Variants in RPL27A observed in about 807,000 individuals in gnomAD.
The protein encoded by RPL27A is large ribosomal subunit protein uL15.
For synonymous variants in RPL27A, 69 were observed against 68.3 expected (o/e 1.01, Z -0.05); for missense variants, 118 against 189.4 (o/e 0.62, Z 2.21).
intron 1 of RPL27A, 37 bp from the exon 2 acceptor site, chr11:8,683,165 A>G: frequency 3.7e-6 from 6 of 1,607,436 alleles, no homozygotes; most frequent in Non-Finnish European, 5.1e-6. Flanking sequence ...CCTGCCCCTA[A>G]TTCCTTAGGC....
Position 8,686,928 on chromosome 11 carries a change from T to TA in RPL27A, c.*1122_*1123insA, listed in dbSNP as rs957254176. 4.6e-5 allele frequency: 7 copies of TA among 152,154 alleles called. No homozygotes were observed. The highest frequency in any genetic ancestry group is 1.7e-4 in the African/African-American group (7 of 41,430). The allele number at this position is 152,154 out of a possible 1,614,324, so 9.4% of individuals were successfully genotyped here. On this transcript the variant is annotated 3_prime_UTR_variant, in exon 5 of 5. Transcript: ENST00000314138. ...ACAAATAAGATGGCACTTAGACTCC[T>TA]GGGTTTTAGTTAGTGGAGGTTTCCT...
rs1170742187 is a variant in RPL27A, at chr11:8,687,558, C to T, written c.*1752C>T. On this transcript the variant is annotated 3_prime_UTR_variant, in exon 5 of 5. Transcript: ENST00000314138. The stretch of plus-strand genomic sequence containing the variant: ...CCTGTGTGACTTTTAGTCCTAATTT[C>T]CTCATCTTTAAAATTTCAGTGAAAG... 1 of 152,234 alleles carries T rather than the reference C, an allele frequency of 6.6e-6. No homozygotes were observed. The highest frequency in any genetic ancestry group is 1.5e-5 in the Non-Finnish European group (1 of 68,048). The allele number at this position is 152,234 out of a possible 1,614,324, so 9.4% of individuals were successfully genotyped here. A position where few individuals can be genotyped will look rare whatever the true frequency, so the allele number is the denominator to read the frequency against.
intron 3 of RPL27A, 105 bp from the exon 4 acceptor site, chr11:8,684,613 C>A: frequency 2.1e-6 from 2 of 964,876 alleles, no homozygotes; most frequent in Non-Finnish European, 3.3e-6. Flanking sequence ...CACTGCTCTA[C>A]ACCAGTGAAT....
At position 8,686,001 on chromosome 11, in the gene RPL27A, A is replaced by G. The variant is rs1565592684; in HGVS notation, c.*195A>G. On this transcript the variant is annotated 3_prime_UTR_variant, in exon 5 of 5. Transcript: ENST00000314138. Reference sequence around the variant, plus strand: ...CGTAAGACCAACACAGACGTTGGCCAGTTAAACATTTCTGTTTATAAAGTC... The same window carrying G: ...CGTAAGACCAACACAGACGTTGGCCGGTTAAACATTTCTGTTTATAAAGTC... The G allele has an allele frequency of 1.8e-6, 1 of 569,414 alleles. No individual in the cohort carries two copies. The highest frequency in any genetic ancestry group is 2.9e-5 in the East Asian group (1 of 34,238). 35.3% of individuals were successfully genotyped at this position (569,414 alleles called of 1,614,324 possible).
chr11:8,684,818 G>A lies in RPL27A; in HGVS notation c.244G>A (p.Val82Ile). The change falls in exon 4 of 5, where the codon GTC (valine) becomes ATC (isoleucine). Residue 82 changes from valine (V) to isoleucine (I), a missense_variant. Physicochemically the swap from Val to Ile is conservative, Grantham distance 29. Coordinates refer to ENST00000314138, the MANE Select transcript of RPL27A (RefSeq NM_000990.5). ...CAACCTTGACAAATTGTGGACTTTG[G>A]TCAGTGAACAGACACGGGTGAATGC... ...TVNLDKLWTL[V>I]SEQTRVNAAK... 1 of 1,613,970 alleles carries A rather than the reference G, an allele frequency of 6.2e-7. No homozygotes were observed. Among genetic ancestry groups the A allele is most frequent in the Non-Finnish European group, 8.5e-7 (1 of 1,179,826 alleles).
chr11:8,683,985 C>T (rs779131363), intron 2 of RPL27A, 21 bp from the exon 3 acceptor site: 3 of 1,605,548 alleles, frequency 1.9e-6, no homozygotes, highest in Non-Finnish European at 1.7e-6. Flanking sequence ...ACCGGCCCCA[C>T]GTAGCTTTGT....
intron 2 of RPL27A, 68 bp downstream of exon 2, chr11:8,683,333 G>T (rs1164712791): frequency 3.6e-6 from 5 of 1,395,282 alleles, no homozygotes; most frequent in Non-Finnish European, 3.1e-6. Context: ...TCTGGAGATC[G>T]GTAGCCTATA....
Sources: gnomAD v4.1 joint callset for allele counts on GRCh38, gnomAD v4.1.1 for gene constraint, MANE v1.5 for transcripts, NCBI Gene and HGNC (gene_info 2026-07-23, HGNC 2026-07-21) for gene names.